Variants in KIF6 observed in about 807,000 individuals in gnomAD.
The protein encoded by KIF6 is kinesin family member 6, also known as kinesin-like protein KIF6.
Under a neutral mutation model 112.7 loss-of-function variants are expected in KIF6, and 106 were observed. The ratio of observed to expected loss-of-function variants is 0.94; its 90% CI spans 0.80 to 1.11. The LOEUF is 1.11. Among genes scored for constraint, KIF6 ranks in the 50% least tolerant of loss-of-function variants. KIF6 has a pLI of 0.00. For missense variants in KIF6, 929 were observed against 964.0 expected, an observed-to-expected ratio of 0.96 and a Z score of 0.48; for synonymous variants, 339 against 339.9, an observed-to-expected ratio of 1.00 and a Z score of 0.03.
chr6:39,474,889 A>G (rs370019330), intron 13 of KIF6, among the ~76,000 whole-genome samples: 4 of 152,270 alleles, frequency 2.6e-5, no homozygotes, highest in East Asian at 1.9e-4. Context: ...TCGTCCAGAC[A>G]TATTGATTAC....
intron 1 of KIF6, among the ~76,000 whole-genome samples, chr6:39,722,453 G>A (rs1329883522): frequency 2.0e-5 from 3 of 152,110 alleles, no homozygotes; most frequent in African/African-American, 7.2e-5. Context: ...CAAGTGCAAG[G>A]ATGATTATGA....
At chr6:39,626,106 G>C (rs534048973) in intron 5 of KIF6, among the ~76,000 whole-genome samples, 34 of 152,250 alleles carry the variant, frequency 2.2e-4, no homozygotes, top group African/African-American at 7.5e-4. Flanking sequence ...ATGTGGTGGA[G>C]CCTACTCCAG....
chr6:39,460,560 A>G (rs1455716550), intron 13 of KIF6, among the ~76,000 whole-genome samples: 1 of 141,428 alleles, frequency 7.1e-6, no homozygotes, highest in Non-Finnish European at 1.6e-5. Context: ...AAAAAAAAAA[A>G]GATCTTAAAA....
chr6:39,537,243 G>A (rs1161647985), intron 13 of KIF6, among the ~76,000 whole-genome samples: 2 of 152,164 alleles, frequency 1.3e-5, no homozygotes, highest in African/African-American at 4.8e-5. Flanking sequence ...AGGAAATAAA[G>A]GGTACTCAAT....
intron 15 of KIF6, among the ~76,000 whole-genome samples, chr6:39,408,373 A>G (rs1168633291): frequency 6.6e-6 from 1 of 152,196 alleles, no homozygotes; most frequent in Non-Finnish European, 1.5e-5. Flanking sequence ...ACTTCTACTC[A>G]TCTATCGCAA....
chr6:39,580,796 T>C (rs770423836), intron 9 of KIF6, among the ~76,000 whole-genome samples: 9 of 152,168 alleles, frequency 5.9e-5, no homozygotes, highest in East Asian at 1.9e-4. Flanking sequence ...ACTTAAGAAA[T>C]AGAACATTAC....
At chr6:39,499,646 T>C (rs1296305918) in intron 13 of KIF6, among the ~76,000 whole-genome samples, 1 of 152,172 alleles carries the variant, frequency 6.6e-6, no homozygotes, top group African/African-American at 2.4e-5. Context: ...GTTTTCCTCC[T>C]AGGACCAAAA....
At chr6:39,341,262 A>G (rs1480989683) in intron 22 of KIF6, among the ~76,000 whole-genome samples, 1 of 152,134 alleles carries the variant, frequency 6.6e-6, no homozygotes, top group Non-Finnish European at 1.5e-5. Context: ...CCTGACATGC[A>G]AAATGGCCAG....
chr6:39,692,280 C>G (rs1391914564), intron 3 of KIF6, among the ~76,000 whole-genome samples: 7 of 152,194 alleles, frequency 4.6e-5, no homozygotes, highest in Non-Finnish European at 1.0e-4. Context: ...AACCTGTCTC[C>G]CCTGCCCTGA....
At chr6:39,382,971 T>TTTTTTTTTTTTTTTTTTTGAGACG (rs1562157109) in intron 16 of KIF6, among the ~76,000 whole-genome samples, 3 of 147,558 alleles carry the variant, frequency 2.0e-5, no homozygotes, top group African/African-American at 5.2e-5. Flanking sequence ...TGTCTTCTTT[T>TTTTTTTTTTTTTTTTTTTGAGACG]GAGAAGTGTC....
At chr6:39,603,141 T>G (rs540953183) in intron 6 of KIF6, among the ~76,000 whole-genome samples, 1 of 152,266 alleles carries the variant, frequency 6.6e-6, no homozygotes, top group South Asian at 2.1e-4. Context: ...AAGTGAGTGT[T>G]TGGCGTCCTG....
chr6:39,584,385 T>A (rs1444529301), intron 9 of KIF6, among the ~76,000 whole-genome samples: 1 of 112,474 alleles, frequency 8.9e-6, no homozygotes, highest in Non-Finnish European at 1.7e-5. Context: ...ACCACTGCAC[T>A]CCACACTCCA....
chr6:39,512,873 C>T lies in KIF6; in HGVS notation c.1645+27130G>A, dbSNP rs114469487. On this transcript the variant is annotated intron_variant, in intron 13 of 22. Coordinates refer to ENST00000287152, the MANE Select transcript of KIF6 (RefSeq NM_145027.6). ...CCTTTCTGACTTTGAGTTTTGCTTGCCTTCTGGAAAGAAATCCACTAAAAC... is the reference window on the plus strand; with the variant it reads ...CCTTTCTGACTTTGAGTTTTGCTTGTCTTCTGGAAAGAAATCCACTAAAAC... Among the ~76,000 whole-genome samples the T allele has an allele frequency of 2.3e-3, 350 of 152,266 alleles. 1 individual carries two copies. The highest frequency in any genetic ancestry group is 3.9e-3 in the Non-Finnish European group (268 of 68,034).
intron 4 of KIF6, among the ~76,000 whole-genome samples, chr6:39,637,438 T>A (rs1258159680): frequency 6.6e-6 from 1 of 152,036 alleles, no homozygotes; most frequent in South Asian, 2.1e-4. Context: ...CAAAACAAGT[T>A]TGAAACTCAC....
intron 15 of KIF6, among the ~76,000 whole-genome samples, chr6:39,393,241 G>T (rs1768018930): frequency 6.6e-6 from 1 of 152,190 alleles, no homozygotes; most frequent in South Asian, 2.1e-4. Flanking sequence ...CTCCCTAAAA[G>T]AACTCAACTG....
intron 15 of KIF6, among the ~76,000 whole-genome samples, chr6:39,419,224 T>A (rs1174486934): frequency 1.3e-5 from 2 of 151,770 alleles, no homozygotes; most frequent in Non-Finnish European, 2.9e-5. Flanking sequence ...TGTGATGGCA[T>A]GCACCCATAG....
At chr6:39,425,824 G>C (rs550202436) in intron 14 of KIF6, among the ~76,000 whole-genome samples, 1 of 151,234 alleles carries the variant, frequency 6.6e-6, no homozygotes, top group African/African-American at 2.4e-5. Context: ...AAATCATAAG[G>C]GTTAAAATGA....
chr6:39,460,536 T>TAAAAAAAAAAAAAAAAAAAAAAAAAGA (rs759528125), intron 13 of KIF6, among the ~76,000 whole-genome samples: 3 of 57,066 alleles, frequency 5.3e-5, no homozygotes, highest in Non-Finnish European at 6.3e-5. Context: ...AAAAAAAAAG[T>TAAAAAAAAAAAAAAAAAAAAAAAAAGA]AAAAAAAAAA....
intron 13 of KIF6, among the ~76,000 whole-genome samples, chr6:39,528,865 A>G (rs931840855): frequency 3.9e-5 from 6 of 152,244 alleles, no homozygotes; most frequent in African/African-American, 1.4e-4. Flanking sequence ...TGCAATAGAA[A>G]AAACAAATTC....
Sources: allele counts gnomAD v4.1 joint callset (sites outside exome capture counted in the v4.1 genomes callset), GRCh38; gene constraint gnomAD v4.1.1; transcripts MANE v1.5; gene names NCBI Gene and HGNC (gene_info 2026-07-23, HGNC 2026-07-21).